The following DGKK variants were observed in gnomAD, a reference collection of about 807,000 sequenced individuals.
DGKK encodes diacylglycerol kinase kappa, also known as 142 kDa diacylglycerol kinase.
Under a neutral mutation model 92.2 loss-of-function variants are expected in DGKK, and 35 were observed. That is an observed-to-expected ratio of 0.38 (90% CI 0.29 to 0.50). The LOEUF is 0.50. Among genes scored for constraint, DGKK ranks in the 20% least tolerant of loss-of-function variants. The pLI is 0.92. For missense variants in DGKK, 910 were observed against 992.2 expected, an observed-to-expected ratio of 0.92 and a Z score of 1.11; for synonymous variants, 368 against 360.6, an observed-to-expected ratio of 1.02 and a Z score of -0.23.
rs569688187 is a variant in DGKK, at chrX:50,467,592, C to T, written c.645+2442G>A. ...TGTGTGTGTGTTAGGGGTGTGTGCACGCCTGTGCGTGTTGCACAGTTTTTT... is the reference window on the plus strand; with the variant it reads ...TGTGTGTGTGTTAGGGGTGTGTGCATGCCTGTGCGTGTTGCACAGTTTTTT... On this transcript the variant is annotated intron_variant, in intron 1 of 27. Coordinates refer to ENST00000611977, the MANE Select transcript of DGKK (RefSeq NM_001013742.4). Among the ~76,000 whole-genome samples the T allele has an allele frequency of 3.8e-3, 432 of 112,960 alleles. 1 individual carries two copies. The highest frequency in any genetic ancestry group is 6.4e-3 in the Non-Finnish European group (341 of 53,341).
intron 4 of DGKK, among the ~76,000 whole-genome samples, chrX:50,407,393 C>G: frequency 9.0e-6 from 1 of 111,434 alleles, no homozygotes. Context: ...CAATTCAGTC[C>G]TTGGTGAGGG....
chrX:50,417,368 G>A (rs1465867193), intron 4 of DGKK, among the ~76,000 whole-genome samples: 1 of 110,100 alleles, frequency 9.1e-6, no homozygotes, highest in Non-Finnish European at 1.9e-5. Flanking sequence ...CTTTGGAAGA[G>A]TTCAAATAAA....
intron 1 of DGKK, among the ~76,000 whole-genome samples, chrX:50,431,747 G>A (rs782549864): frequency 2.7e-5 from 3 of 111,357 alleles, no homozygotes; most frequent in African/African-American, 6.5e-5. Flanking sequence ...ATGCAACTCC[G>A]GGTGCTTTAG....
chrX:50,382,196 GTGGGCGA>G (rs1924430135), intron 18 of DGKK, among the ~76,000 whole-genome samples: 1 of 112,405 alleles, frequency 8.9e-6, no homozygotes. Flanking sequence ...CAGAACAAAG[GTGGGCGA>G]TTTGCTAAAT....
At chrX:50,409,599 A>G (rs1227046904) in intron 4 of DGKK, among the ~76,000 whole-genome samples, 2 of 112,003 alleles carry the variant, frequency 1.8e-5, no homozygotes, top group African/African-American at 6.5e-5. Context: ...TAAAGAAAGT[A>G]GTTTTCTTTA....
Position 50,433,016 on chromosome X carries a change from T to C in DGKK, c.646-8658A>G, listed in dbSNP as rs183767064. 8.0e-5 allele frequency among the ~76,000 whole-genome samples: 9 copies of C among 111,996 alleles called. No individual in the cohort carries two copies. The East Asian group carries it at 2.5e-3, about 32-fold the overall frequency. ...TGGCCCTTGGTAATTGACCTGGGACTAGCTGCATCCAGGAAGGAGGAAGAG... is the reference window on the plus strand; with the variant it reads ...TGGCCCTTGGTAATTGACCTGGGACCAGCTGCATCCAGGAAGGAGGAAGAG... On this transcript the variant is annotated intron_variant, in intron 1 of 27. Transcript: ENST00000611977.
At chrX:50,447,660 A>G (rs1413830050) in intron 1 of DGKK, among the ~76,000 whole-genome samples, 3 of 104,912 alleles carry the variant, frequency 2.9e-5, no homozygotes, top group Non-Finnish European at 5.8e-5. Context: ...GGCTTAAGGT[A>G]GGGCTAGATT....
At chrX:50,418,807 G>T (rs1284491968) in intron 4 of DGKK, among the ~76,000 whole-genome samples, 2 of 111,364 alleles carry the variant, frequency 1.8e-5, no homozygotes, top group Non-Finnish European at 3.8e-5. Flanking sequence ...TGAATTCAGG[G>T]ATGGCGCACC....
intron 1 of DGKK, among the ~76,000 whole-genome samples, chrX:50,436,802 T>C (rs1036365281): frequency 2.7e-5 from 3 of 110,717 alleles, no homozygotes; most frequent in South Asian, 7.9e-4. Flanking sequence ...AAACTTGTTC[T>C]GGCCTTCTGA....
chrX:50,460,173 T>A (rs782564574), intron 1 of DGKK, among the ~76,000 whole-genome samples: 145 of 111,923 alleles, frequency 1.3e-3, no homozygotes, highest in African/African-American at 4.5e-3. Context: ...CCAGAGTTCA[T>A]GAAAACTTTC....
At chrX:50,456,247 C>T (rs1926608885) in intron 1 of DGKK, among the ~76,000 whole-genome samples, 1 of 111,728 alleles carries the variant, frequency 9.0e-6, no homozygotes, top group Admixed American at 9.5e-5. Flanking sequence ...CAAGTTAAGG[C>T]TTTTCCTGTA....
chrX:50,375,861 T>A (rs1003016309), intron 24 of DGKK, among the ~76,000 whole-genome samples, 163 bp downstream of exon 24: 1 of 111,877 alleles, frequency 8.9e-6, no homozygotes, highest in Non-Finnish European at 1.9e-5. Flanking sequence ...ACCTTGGACC[T>A]GTAACAAGTC....
At chrX:50,406,683 C>T (rs1184447939) in intron 4 of DGKK, among the ~76,000 whole-genome samples, 3 of 111,849 alleles carry the variant, frequency 2.7e-5, no homozygotes, top group African/African-American at 9.8e-5. Flanking sequence ...TCACCAGAAG[C>T]TAGGAGGAGG....
At chrX:50,410,669 T>G (rs1306594124) in intron 4 of DGKK, among the ~76,000 whole-genome samples, 1 of 111,691 alleles carries the variant, frequency 9.0e-6, no homozygotes, top group Admixed American at 9.5e-5. Flanking sequence ...ACAACCCCCT[T>G]GGACCACAGA....
chrX:50,411,275 G>C (rs1420080285), intron 4 of DGKK, among the ~76,000 whole-genome samples: 1 of 111,715 alleles, frequency 9.0e-6, no homozygotes, highest in Non-Finnish European at 1.9e-5. Flanking sequence ...GAAAACTACA[G>C]GCTAATATCC....
chrX:50,373,749 T>C (rs1557223511), intron 25 of DGKK, among the ~76,000 whole-genome samples: 2 of 112,006 alleles, frequency 1.8e-5, no homozygotes, highest in Non-Finnish European at 3.8e-5. Context: ...CTTAATTAGA[T>C]GAGAGGCAAG....
At chrX:50,468,435 C>G (rs1390456333) in intron 1 of DGKK, among the ~76,000 whole-genome samples, 3 of 111,248 alleles carry the variant, frequency 2.7e-5, no homozygotes, top group African/African-American at 9.8e-5. Flanking sequence ...GCTCCCAAAT[C>G]TAGCCACCCC....
intron 1 of DGKK, among the ~76,000 whole-genome samples, chrX:50,426,783 T>A (rs374452909): frequency 8.9e-6 from 1 of 112,122 alleles, no homozygotes; most frequent in Admixed American, 9.5e-5. Context: ...TAATACATCA[T>A]AAAGCAACAA....
intron 1 of DGKK, among the ~76,000 whole-genome samples, chrX:50,432,512 A>T (rs1432326591): frequency 8.9e-6 from 1 of 112,217 alleles, no homozygotes; most frequent in Middle Eastern, 4.3e-3. Flanking sequence ...TTAGATGTTG[A>T]TACATATTAA....
Sources: gnomAD v4.1 joint callset for allele counts (sites outside exome capture counted in the v4.1 genomes callset) on GRCh38, gnomAD v4.1.1 for gene constraint, MANE v1.5 for transcripts, NCBI Gene and HGNC (gene_info 2026-07-23, HGNC 2026-07-21) for gene names.